NR3C2: variants seen among roughly 807,000 people sequenced by gnomAD.
NR3C2 encodes the protein mineralocorticoid receptor.
A neutral mutation model predicts 86.4 loss-of-function variants in NR3C2; 15 were observed. The observed-to-expected ratio is 0.17, with a 90% confidence interval of 0.12 to 0.27. NR3C2 has a LOEUF of 0.27. Ranked by LOEUF, NR3C2 falls within the 10% of genes least tolerant of loss-of-function variation. NR3C2 has a pLI of 1.00. For missense variants in NR3C2, 960 were observed against 1,195.6 expected (o/e 0.80, Z 2.91); for synonymous variants, 458 against 450.5 (o/e 1.02, Z -0.21).
chr4:148,425,141 C>G (rs981742739), intron 2 of NR3C2, among the ~76,000 whole-genome samples: 1 of 152,076 alleles, frequency 6.6e-6, no homozygotes, highest in Non-Finnish European at 1.5e-5. Flanking sequence ...ACATAATCAC[C>G]AATATTTAGT....
intron 6 of NR3C2, among the ~76,000 whole-genome samples, chr4:148,148,059 A>C (rs187112632): frequency 1.0e-5 from 1 of 98,518 alleles, no homozygotes. Flanking sequence ...CTGTAAAAAT[A>C]ACTGCCTATA....
chr4:148,205,010 G>C (rs1736931041), intron 3 of NR3C2, among the ~76,000 whole-genome samples: 1 of 152,132 alleles, frequency 6.6e-6, no homozygotes, highest in African/African-American at 2.4e-5. Context: ...TAGAAATGAG[G>C]CCAGGATAGA....
chr4:148,108,120 TTTGAGACAGGTA>T (rs1731887334), intron 8 of NR3C2, among the ~76,000 whole-genome samples: 1 of 152,188 alleles, frequency 6.6e-6, no homozygotes, highest in South Asian at 2.1e-4. Flanking sequence ...GTTTTTTTTA[TTTGAGACAGGTA>T]TTGCTCTGTC....
chr4:148,150,977 A>G (rs1734076373), intron 6 of NR3C2, among the ~76,000 whole-genome samples: 1 of 152,184 alleles, frequency 6.6e-6, no homozygotes, highest in South Asian at 2.1e-4. Flanking sequence ...TTCATAGACT[A>G]GAGGTTACCA....
At chr4:148,386,992 C>A (rs991405424) in intron 2 of NR3C2, among the ~76,000 whole-genome samples, 1 of 152,120 alleles carries the variant, frequency 6.6e-6, no homozygotes, top group African/African-American at 2.4e-5. Context: ...GTGACTTAAC[C>A]CAGTTTTGTG....
intron 2 of NR3C2, among the ~76,000 whole-genome samples, chr4:148,320,734 AT>A (rs1047161909): frequency 6.6e-6 from 1 of 151,856 alleles, no homozygotes; most frequent in Admixed American, 6.6e-5. Context: ...CCCCTTTATC[AT>A]TTTTTTATTG....
intron 6 of NR3C2, among the ~76,000 whole-genome samples, chr4:148,150,237 T>C (rs1734043461): frequency 6.6e-6 from 1 of 152,222 alleles, no homozygotes; most frequent in South Asian, 2.1e-4. Context: ...CAACTATTCC[T>C]CCTAGGGGAA....
At chr4:148,211,643 A>G (rs1737290300) in intron 3 of NR3C2, among the ~76,000 whole-genome samples, 1 of 152,224 alleles carries the variant, frequency 6.6e-6, no homozygotes, top group African/African-American at 2.4e-5. Flanking sequence ...GAGTTTGGTT[A>G]ACACCTCAGA....
At chr4:148,332,721 A>G (rs1352744947) in intron 2 of NR3C2, among the ~76,000 whole-genome samples, 1 of 152,218 alleles carries the variant, frequency 6.6e-6, no homozygotes, top group African/African-American at 2.4e-5. Context: ...GGTGTTACAA[A>G]GAGCACATGG....
intron 2 of NR3C2, among the ~76,000 whole-genome samples, chr4:148,283,076 A>T (rs540022667): frequency 6.6e-6 from 1 of 152,240 alleles, no homozygotes; most frequent in Non-Finnish European, 1.5e-5. Flanking sequence ...TCTGTGTGTT[A>T]TAAGTGCAAA....
intron 2 of NR3C2, among the ~76,000 whole-genome samples, chr4:148,406,077 G>A (rs1191297716): frequency 1.3e-5 from 2 of 152,102 alleles, no homozygotes; most frequent in Non-Finnish European, 2.9e-5. Context: ...GAGGCAGGAG[G>A]ACTGCTTGAG....
intron 6 of NR3C2, among the ~76,000 whole-genome samples, chr4:148,151,037 G>T (rs1257605366): frequency 6.6e-6 from 1 of 152,142 alleles, no homozygotes. Flanking sequence ...TGGGTTTAGA[G>T]TTTGTTTGGG....
At chr4:148,444,667 G>A (rs984177762), upstream of NR3C2, 15 of 985,492 alleles carry the variant, frequency 1.5e-5, no homozygotes, top group African/African-American at 2.4e-4. Flanking sequence ...CCCGGCAGTG[G>A]CAGTCGCCCT....
chr4:148,415,326 G>A (rs1196841174), intron 2 of NR3C2, among the ~76,000 whole-genome samples: 3 of 152,106 alleles, frequency 2.0e-5, no homozygotes, highest in Non-Finnish European at 2.9e-5. Flanking sequence ...AGAAATAAAT[G>A]TTAGAAATAA....
intron 3 of NR3C2, chr4:148,208,652 GTCC>G (rs1399011979): frequency 1.3e-4 from 20 of 152,366 alleles, no homozygotes; most frequent in African/African-American, 4.6e-4. Flanking sequence ...CTCTCATGAT[GTCC>G]TACTCAGACC....
intron 2 of NR3C2, among the ~76,000 whole-genome samples, chr4:148,388,906 G>A (rs1232130820): frequency 2.0e-5 from 3 of 152,146 alleles, no homozygotes; most frequent in Non-Finnish European, 4.4e-5. Context: ...GCAAGCAGTT[G>A]GAAAGGGACA....
chr4:148,111,512 A>C (rs1324999478), intron 8 of NR3C2, among the ~76,000 whole-genome samples: 2 of 152,258 alleles, frequency 1.3e-5, no homozygotes, highest in Admixed American at 6.5e-5. Flanking sequence ...GTCTGTACAA[A>C]GACTTGTACA....
At chr4:148,221,811 T>A (rs1737863945) in intron 3 of NR3C2, among the ~76,000 whole-genome samples, 1 of 151,272 alleles carries the variant, frequency 6.6e-6, no homozygotes, top group South Asian at 2.1e-4. Flanking sequence ...GGAGAATTGG[T>A]TGAACCTAAG....
intron 7 of NR3C2, 83 bp from the exon 8 acceptor site, chr4:148,114,344 T>G: frequency 6.9e-7 from 1 of 1,458,734 alleles, no homozygotes; most frequent in South Asian, 1.2e-5. Flanking sequence ...TATACTGATT[T>G]TGAGGTTAGA....
Sources: gnomAD v4.1 joint callset for allele counts (sites outside exome capture counted in the v4.1 genomes callset) on GRCh38, gnomAD v4.1.1 for gene constraint, MANE v1.5 for transcripts, NCBI Gene and HGNC (gene_info 2026-07-23, HGNC 2026-07-21) for gene names.